The following WDTC1 variants were observed in gnomAD, a reference collection of about 807,000 sequenced individuals.
The protein encoded by WDTC1 is WD and tetratricopeptide repeats protein 1.
A neutral mutation model predicts 76.0 loss-of-function variants in WDTC1; 12 were observed. The ratio of observed to expected loss-of-function variants is 0.16; its 90% confidence interval spans 0.10 to 0.26. The LOEUF is 0.26. Ranked by LOEUF, WDTC1 falls within the 10% of genes least tolerant of loss-of-function variation. The pLI is 1.00. For synonymous variants in WDTC1, 326 were observed against 350.8 expected (o/e 0.93, Z 0.79); for missense variants, 511 against 908.8 (o/e 0.56, Z 5.63).
At position 27,301,520 on chromosome 1, in the gene WDTC1, A is replaced by G; in HGVS notation, c.1468+59A>G. 6.4e-7 allele frequency: 1 copy of G among 1,560,544 alleles called. No homozygotes were observed. The highest frequency in any genetic ancestry group is 8.7e-7 in the Non-Finnish European group (1 of 1,146,068). Reference sequence around the variant, plus strand: ...CTTTCTCTTTGAGATGCTGCATGACATTCTGGAGAGGTCATGGTTCTGGGA... The same window carrying G: ...CTTTCTCTTTGAGATGCTGCATGACGTTCTGGAGAGGTCATGGTTCTGGGA... On this transcript the variant is annotated intron_variant, in intron 13 of 15. Transcript: ENST00000319394. The surrounding 1 kb of genome is among the most constrained non-coding windows in gnomAD (Gnocchi z 5.8).
chr1:27,250,673 A>G (rs2012018319), intron 1 of WDTC1, among the ~76,000 whole-genome samples: 1 of 152,120 alleles, frequency 6.6e-6, no homozygotes, highest in Non-Finnish European at 1.5e-5. Context: ...AGAGCCAAAC[A>G]AGGACTATAG....
chr1:27,288,983 AC>A (rs557860054), intron 6 of WDTC1, among the ~76,000 whole-genome samples: 90,521 of 120,046 alleles, frequency 0.75, 33,162 homozygotes, highest in East Asian at 0.85. Flanking sequence ...CGGGGGGCTG[AC>A]CCCCCCCCCA....
chr1:27,234,853 GGATCCGCGCCCCCCTTCCCGGGA>G lies in WDTC1; in HGVS notation c.-195_-173del. 1 of 396,750 alleles carries G rather than the reference GGATCCGCGCCCCCCTTCCCGGGA, an allele frequency of 2.5e-6. No individual in the cohort carries two copies. The highest frequency in any genetic ancestry group is 4.4e-6 in the Non-Finnish European group (1 of 224,892). 24.6% of individuals were successfully genotyped at this position (396,750 alleles called of 1,614,324 possible). ...CTCGAGCCCCCCAGCCCCCTCCCCG[GGATCCGCGCCCCCCTTCCCGGGA>G]GAGGGGCCGCCCCCCCCGGACGGAC... On this transcript the variant is annotated 5_prime_UTR_variant, in exon 1 of 16. Coordinates refer to ENST00000319394, the MANE Select transcript of WDTC1 (RefSeq NM_001276252.2).
intron 3 of WDTC1, 47 bp from the exon 4 acceptor site, chr1:27,282,192 A>T (rs1013095944): frequency 6.3e-7 from 1 of 1,592,426 alleles, no homozygotes; most frequent in African/African-American, 1.3e-5. Flanking sequence ...GTTCCCCAGG[A>T]GAACCCCTAA....
intron 7 of WDTC1, among the ~76,000 whole-genome samples, chr1:27,293,435 T>TA (rs35845132): frequency 0.91 from 118,309 of 130,600 alleles, 53,727 homozygotes; most frequent in East Asian, 0.99. Context: ...CAGTCTCAAT[T>TA]AAAAAAAAAA....
rs962924871 is a variant in WDTC1, at chr1:27,234,669, A to C, written c.-382A>C. ...GGTCCCCAGACAGCTGGAGGAGATA[A>C]ACAGAGGAGGAGGAGGGAGGGGAGT... On this transcript the variant is annotated 5_prime_UTR_variant, in exon 1 of 16. Coordinates refer to ENST00000319394, the MANE Select transcript of WDTC1 (RefSeq NM_001276252.2). 59 of 396,140 alleles carry C rather than the reference A, an allele frequency of 1.5e-4. No individual in the cohort carries two copies. The Middle Eastern group carries it at 3.2e-3, about 21-fold the overall frequency. 24.5% of individuals were successfully genotyped at this position (396,140 alleles called of 1,614,324 possible). A position where few individuals can be genotyped will look rare whatever the true frequency, so the allele number is the denominator to read the frequency against.
At chr1:27,291,238 G>A (rs2013526654) in intron 6 of WDTC1, among the ~76,000 whole-genome samples, 1 of 152,208 alleles carries the variant, frequency 6.6e-6, no homozygotes, top group African/African-American at 2.4e-5. Context: ...AAAGAATTCT[G>A]TAGTTATAAT....
chr1:27,285,652 C>A (rs1171460703), intron 5 of WDTC1, among the ~76,000 whole-genome samples: 3 of 150,032 alleles, frequency 2.0e-5, no homozygotes, highest in Non-Finnish European at 4.4e-5. Context: ...GAGTCTCGCT[C>A]TTGTTGCCCA....
At chr1:27,281,164 A>G (rs1038175685) in intron 3 of WDTC1, among the ~76,000 whole-genome samples, 1 of 152,034 alleles carries the variant, frequency 6.6e-6, no homozygotes, top group African/African-American at 2.4e-5. Context: ...TGCTTGATGA[A>G]TAATTTGCCG....
At chr1:27,250,403 G>T (rs1234070372) in intron 1 of WDTC1, among the ~76,000 whole-genome samples, 1 of 152,116 alleles carries the variant, frequency 6.6e-6, no homozygotes, top group Non-Finnish European at 1.5e-5. Flanking sequence ...ACCCACCTCA[G>T]CATCCCAAAG....
rs565060484 is a variant in WDTC1, at chr1:27,293,209, G to A, written c.662+812G>A. On this transcript the variant is annotated intron_variant, in intron 7 of 15. Coordinates refer to ENST00000319394, the MANE Select transcript of WDTC1 (RefSeq NM_001276252.2). ...GCACTTTGGGAGGCCGAGGCAGGCG[G>A]ATCACGAGGTCAGGAGATCGAGACC... Among the ~76,000 whole-genome samples the A allele has an allele frequency of 3.5e-4, 53 of 150,536 alleles. 1 individual carries two copies. Among genetic ancestry groups the A allele is most frequent in the Non-Finnish European group, 5.6e-4 (38 of 67,522 alleles).
At chr1:27,237,081 C>T (rs1040006489) in intron 1 of WDTC1, among the ~76,000 whole-genome samples, 1 of 152,088 alleles carries the variant, frequency 6.6e-6, no homozygotes, top group African/African-American at 2.4e-5. Context: ...CGTGATCCAC[C>T]GACCTCGGCC....
chr1:27,295,147 T>C (rs1358410448), intron 9 of WDTC1, among the ~76,000 whole-genome samples: 1 of 152,206 alleles, frequency 6.6e-6, no homozygotes, highest in Admixed American at 6.6e-5. Flanking sequence ...CTTGCATACA[T>C]TTATTTACTC....
At chr1:27,271,902 G>T (rs995424448) in intron 3 of WDTC1, among the ~76,000 whole-genome samples, 2 of 150,582 alleles carry the variant, frequency 1.3e-5, no homozygotes, top group South Asian at 2.1e-4. Flanking sequence ...CTCCCAAAGT[G>T]CTGGGATTAT....
In WDTC1 at chr1:27,305,331, C is replaced by G; in HGVS notation, c.1836+138C>G. 1 of 1,117,302 alleles carries G rather than the reference C, an allele frequency of 9.0e-7. No homozygotes were observed. The highest frequency in any genetic ancestry group is 2.6e-5 in the East Asian group (1 of 37,852). The allele number at this position is 1,117,302 out of a possible 1,614,324, so 69.2% of individuals were successfully genotyped here. On this transcript the variant is annotated intron_variant, in intron 15 of 15. Transcript: ENST00000319394. The surrounding 1 kb of genome is among the most constrained non-coding windows in gnomAD (Gnocchi z 4.6). Reference sequence around the variant, plus strand: ...GTAAGCCTTACCCCGGGGCCCAAGGCTGTGTTCTCAGATTCCAGAAGCTCC... The same window carrying G: ...GTAAGCCTTACCCCGGGGCCCAAGGGTGTGTTCTCAGATTCCAGAAGCTCC...
intron 5 of WDTC1, among the ~76,000 whole-genome samples, chr1:27,284,766 T>TAA (rs58267043): frequency 1.1e-4 from 16 of 143,738 alleles, no homozygotes; most frequent in South Asian, 4.4e-4. Flanking sequence ...CTCTTCTATT[T>TAA]AAAAAAAAAA....
intron 3 of WDTC1, among the ~76,000 whole-genome samples, chr1:27,268,946 C>T (rs2147942211): frequency 6.8e-6 from 1 of 148,062 alleles, no homozygotes; most frequent in Middle Eastern, 3.5e-3. Context: ...AACTCCTGAC[C>T]TCAGGTGGTC....
intron 3 of WDTC1, among the ~76,000 whole-genome samples, chr1:27,270,511 G>A (rs1436437902): frequency 1.3e-5 from 2 of 152,080 alleles, no homozygotes; most frequent in South Asian, 2.1e-4. Flanking sequence ...TGGCTAACAC[G>A]GTGAAACCCT....
intron 1 of WDTC1, among the ~76,000 whole-genome samples, chr1:27,254,507 G>A (rs751186492): frequency 1.3e-5 from 2 of 152,010 alleles, no homozygotes; most frequent in Non-Finnish European, 2.9e-5. Flanking sequence ...GCTGAGGCAC[G>A]GAACCGCTTG....
Sources: gnomAD v4.1 joint callset for allele counts (sites outside exome capture counted in the v4.1 genomes callset) on GRCh38, gnomAD v4.1.1 for gene constraint, Gnocchi (gnomAD v3.1) non-coding constraint, MANE v1.5 for transcripts, NCBI Gene and HGNC (gene_info 2026-07-23, HGNC 2026-07-21) for gene names.